NCOA6: variants seen among roughly 807,000 people sequenced by gnomAD.
The protein encoded by NCOA6 is NRC RAP250.
In NCOA6, 49 loss-of-function variants were observed where a neutral mutation model predicts 171.4. That is an observed-to-expected ratio of 0.29 (90% CI 0.23 to 0.36). The LOEUF is 0.36. Ranked by LOEUF, NCOA6 falls within the 10% of genes least tolerant of loss-of-function variation. The pLI, the probability that NCOA6 is intolerant of heterozygous loss-of-function variation, is 1.00. For synonymous variants in NCOA6, 910 were observed against 927.5 expected, an observed-to-expected ratio of 0.98 and a Z score of 0.34; for missense variants, 2,248 against 2,554.5, an observed-to-expected ratio of 0.88 and a Z score of 2.59.
intron 4 of NCOA6, among the ~76,000 whole-genome samples, chr20:34,774,362 CT>C (rs1365934887): frequency 6.6e-6 from 1 of 152,182 alleles, no homozygotes; most frequent in Non-Finnish European, 1.5e-5. Context: ...TTTCTGGATC[CT>C]TTTAGATAGT....
rs2076438683 is a variant in NCOA6 at position 34,750,460 on chromosome 20, T to C, written c.1735A>G (p.Met579Val). 6.2e-7 allele frequency: 1 copy of C among 1,613,574 alleles called. No individual in the cohort carries two copies. Among genetic ancestry groups the C allele is most frequent in the African/African-American group, 1.3e-5 (1 of 74,788 alleles). Residue 579 changes from methionine (M) to valine (V), a missense_variant, in exon 9 of 15, where the codon ATG becomes GTG. This residue lies in a region of NCOA6 where 987 missense variants were observed against 1,104.7 expected (regional missense o/e 0.89). Coordinates refer to ENST00000359003, the MANE Select transcript of NCOA6 (RefSeq NM_014071.5). ...ATTCCCATGAGGCTGGGCTGCATCA[T>C]ATTTGGCGGCCCGTGGGACACCTGC... ...QMQVSHGPPNMMQPSLMGIHG... is the reference protein window; with the variant it reads ...QMQVSHGPPNVMQPSLMGIHG...
At chr20:34,750,619 T>A (rs2076445683) in intron 8 of NCOA6, 100 bp from the exon 9 acceptor site, 1 of 1,241,768 alleles carries the variant, frequency 8.1e-7, no homozygotes, top group Admixed American at 2.8e-5. Flanking sequence ...TCCATCACCC[T>A]TATATCCACT....
intron 1 of NCOA6, among the ~76,000 whole-genome samples, chr20:34,805,544 C>A (rs1364388974): frequency 6.6e-6 from 1 of 152,134 alleles, no homozygotes; most frequent in Non-Finnish European, 1.5e-5. Flanking sequence ...CTGATGGACA[C>A]AAGTTGATTA....
intron 14 of NCOA6, among the ~76,000 whole-genome samples, chr20:34,716,611 T>C (rs1158006886): frequency 6.6e-6 from 1 of 151,954 alleles, no homozygotes; most frequent in Admixed American, 6.6e-5. Flanking sequence ...ATTAGCTGGG[T>C]GTGGTGGCAC....
intron 14 of NCOA6, among the ~76,000 whole-genome samples, chr20:34,721,949 G>C (rs114055444): frequency 0.014 from 2,153 of 149,286 alleles, 59 homozygotes; most frequent in African/African-American, 0.05. Flanking sequence ...CAATTACTCA[G>C]GAGGCTAAGG....
chr20:34,799,247 G>GA (rs1368629620), intron 1 of NCOA6, among the ~76,000 whole-genome samples: 1 of 151,938 alleles, frequency 6.6e-6, no homozygotes, highest in Admixed American at 6.6e-5. Flanking sequence ...TCAAGAAGAA[G>GA]AAAAAAATGG....
chr20:34,719,455 A>G (rs62213655), intron 14 of NCOA6, among the ~76,000 whole-genome samples: 37 of 152,040 alleles, frequency 2.4e-4, no homozygotes, highest in Admixed American at 3.3e-4. Flanking sequence ...ACAAGGCGAA[A>G]CCCCATCTCT....
At chr20:34,795,547 T>C (rs1159552981) in intron 1 of NCOA6, among the ~76,000 whole-genome samples, 2 of 152,162 alleles carry the variant, frequency 1.3e-5, no homozygotes, top group Admixed American at 6.6e-5. Context: ...AACTAGAATA[T>C]GGAACTTGCT....
intron 2 of NCOA6, among the ~76,000 whole-genome samples, chr20:34,785,709 G>A (rs928663500): frequency 6.6e-6 from 1 of 152,016 alleles, no homozygotes; most frequent in Non-Finnish European, 1.5e-5. Context: ...TTTTCCAAAA[G>A]AATCTTTAAC....
chr20:34,720,093 C>A (rs978435833), intron 14 of NCOA6, among the ~76,000 whole-genome samples: 4 of 152,170 alleles, frequency 2.6e-5, no homozygotes, highest in Non-Finnish European at 5.9e-5. Flanking sequence ...AAACTTAAAG[C>A]TTTGAACTTC....
At chr20:34,768,674 C>A in intron 4 of NCOA6, 88 bp from the exon 5 acceptor site, 1 of 1,463,072 alleles carries the variant, frequency 6.8e-7, no homozygotes, top group South Asian at 1.3e-5. Flanking sequence ...CTTTAGTTTT[C>A]TGTGCTTTTG....
intron 2 of NCOA6, among the ~76,000 whole-genome samples, chr20:34,789,115 AT>A (rs1440757914): frequency 6.6e-6 from 1 of 152,204 alleles, no homozygotes; most frequent in Non-Finnish European, 1.5e-5. Flanking sequence ...GAAATCAACA[AT>A]TCATCTAAGT....
rs116906295 is a variant in NCOA6 at position 34,784,521 on chromosome 20, C to T, written c.-49-2117G>A. ...GATTACAGGCATGAGCTACCATGTCCAACCAATTTTTCTTTTTTAAATAGT... is the reference window on the plus strand; with the variant it reads ...GATTACAGGCATGAGCTACCATGTCTAACCAATTTTTCTTTTTTAAATAGT... On this transcript the variant is annotated intron_variant, in intron 2 of 14. Transcript: ENST00000359003. Among the ~76,000 whole-genome samples the T allele has an allele frequency of 1.4e-3, 206 of 152,244 alleles. 2 individuals are homozygous for T. In the East Asian group the frequency reaches 0.026, roughly 19 times the overall value.
intron 1 of NCOA6, among the ~76,000 whole-genome samples, chr20:34,811,198 CGT>C (rs1285154596): frequency 2.5e-4 from 5 of 20,130 alleles, no homozygotes; most frequent in African/African-American, 7.7e-4. Flanking sequence ...ACAACAACAA[CGT>C]GTATATATAT....
chr20:34,758,040 T>C lies in NCOA6; in HGVS notation c.708A>G (p.Leu236=), dbSNP rs563178518. The C allele has an allele frequency of 5.0e-6, 8 of 1,613,984 alleles. No homozygotes were observed. The Admixed American group carries it at 8.3e-5, about 17-fold the overall frequency. The change falls in exon 7 of 15, where the codon TTA becomes TTG. Residue 236 remains leucine, a synonymous_variant. Coordinates refer to ENST00000359003, the MANE Select transcript of NCOA6 (RefSeq NM_014071.5). ...IQQQSHPSGS[L]APPHHPMQPV... is the part of the protein sequence containing the mutation. ...GCTGCATTGGGTGATGTGGGGGAGC[T>C]AAAGATCCTGAGGGATGACTTTGCT...
chr20:34,808,436 CTTTTTTTT>C (rs957085400), intron 1 of NCOA6, among the ~76,000 whole-genome samples: 1 of 125,492 alleles, frequency 8.0e-6, no homozygotes, highest in East Asian at 2.2e-4. Context: ...CTTGTCTGTG[CTTTTTTTT>C]TTTTTTTTTT....
At chr20:34,770,435 C>T (rs2077114840) in intron 4 of NCOA6, among the ~76,000 whole-genome samples, 1 of 152,040 alleles carries the variant, frequency 6.6e-6, no homozygotes, top group Admixed American at 6.6e-5. Flanking sequence ...TATAGCTTGC[C>T]TCTAGAAGTC....
chr20:34,721,212 T>C (rs1333348217), intron 14 of NCOA6, among the ~76,000 whole-genome samples: 5 of 102,576 alleles, frequency 4.9e-5, no homozygotes, highest in African/African-American at 2.0e-4. Context: ...AAGGGACCTA[T>C]CTCCCCTTCC....
At chr20:34,767,010 C>T (rs1448910519) in intron 5 of NCOA6, among the ~76,000 whole-genome samples, 2 of 152,122 alleles carry the variant, frequency 1.3e-5, no homozygotes, top group African/African-American at 4.8e-5. Context: ...TATTTTACAT[C>T]TATTTTATGG....
Sources: gnomAD v4.1 joint callset for allele counts (sites outside exome capture counted in the v4.1 genomes callset) on GRCh38, gnomAD v4.1.1 for gene constraint, gnomAD v4.1.1 regional missense constraint, MANE v1.5 for transcripts, NCBI Gene and HGNC (gene_info 2026-07-23, HGNC 2026-07-21) for gene names.